CSMD1: variants seen among roughly 807,000 people sequenced by gnomAD.
CSMD1 encodes the protein CUB and sushi domain-containing protein 1.
CSMD1 carries 213 observed loss-of-function variants against 417.5 expected under a neutral mutation model. The ratio of observed to expected loss-of-function variants is 0.51; its 90% CI spans 0.46 to 0.57. The LOEUF is 0.57. CSMD1 is among the 20% of genes least tolerant of loss of function. The pLI is 0.00. For missense variants in CSMD1, 6,923 were observed against 4,529.7 expected (o/e 1.53, Z -15.17); for synonymous variants, 2,862 against 1,736.8 (o/e 1.65, Z -16.11).
chr8:4,683,161 T>C (rs1806153666), intron 1 of CSMD1, among the ~76,000 whole-genome samples: 1 of 151,792 alleles, frequency 6.6e-6, no homozygotes, highest in Non-Finnish European at 1.5e-5. Flanking sequence ...TCTGTTAATG[T>C]TTTTACAAAT....
intron 3 of CSMD1, among the ~76,000 whole-genome samples, chr8:4,044,054 C>G (rs1365739840): frequency 6.6e-6 from 1 of 151,960 alleles, no homozygotes; most frequent in Non-Finnish European, 1.5e-5. Context: ...AATTAGGAGA[C>G]TGGGGTTCCT....
At chr8:4,915,833 G>A (rs1490923437) in intron 1 of CSMD1, among the ~76,000 whole-genome samples, 1 of 152,224 alleles carries the variant, frequency 6.6e-6, no homozygotes, top group East Asian at 1.9e-4. Context: ...AGACCCATCT[G>A]TCACAATGGC....
At chr8:4,885,971 C>T (rs1454813416) in intron 1 of CSMD1, among the ~76,000 whole-genome samples, 1 of 146,066 alleles carries the variant, frequency 6.8e-6, no homozygotes, top group Non-Finnish European at 1.5e-5. Flanking sequence ...GTCTCTGATC[C>T]TTTTTATTTA....
intron 26 of CSMD1, among the ~76,000 whole-genome samples, chr8:3,274,655 T>A (rs1039260811): frequency 6.6e-6 from 1 of 152,190 alleles, no homozygotes; most frequent in East Asian, 1.9e-4. Flanking sequence ...GCCCTTCTTG[T>A]TGAATTGATC....
intron 3 of CSMD1, among the ~76,000 whole-genome samples, chr8:4,282,409 C>G (rs1280490867): frequency 1.3e-5 from 2 of 152,134 alleles, no homozygotes; most frequent in Admixed American, 1.3e-4. Flanking sequence ...CATCAACATC[C>G]CAAGGATGTC....
intron 3 of CSMD1, among the ~76,000 whole-genome samples, chr8:4,115,123 A>C (rs1364787155): frequency 6.6e-6 from 1 of 152,204 alleles, no homozygotes; most frequent in African/African-American, 2.4e-5. Context: ...CATGAAAAAA[A>C]GTCCATAGAT....
chr8:4,760,000 A>T (rs1811939055), intron 1 of CSMD1, among the ~76,000 whole-genome samples: 1 of 152,200 alleles, frequency 6.6e-6, no homozygotes, highest in African/African-American at 2.4e-5. Flanking sequence ...TGTCTTCCAC[A>T]ATGGTTGAAC....
In CSMD1 at chr8:4,244,520, C is replaced by G. The variant is rs150751524; in HGVS notation, c.415+175433G>C. ...AATAGTTTGAAGAGTGTTAGCAAGT[C>G]AAATAAAATTTTCTTTCTTTTTTCT... is the stretch of plus-strand genomic sequence containing the variant. On this transcript the variant is annotated intron_variant, in intron 3 of 69. Coordinates refer to ENST00000635120, the MANE Select transcript of CSMD1 (RefSeq NM_033225.6). Among the ~76,000 whole-genome samples the G allele has an allele frequency of 2.4e-4, 37 of 151,572 alleles. 1 individual carries two copies. In the East Asian group the frequency reaches 6.8e-3, roughly 28 times the overall value.
At chr8:3,568,702 GGT>G (rs970852310) in intron 10 of CSMD1, among the ~76,000 whole-genome samples, 2 of 151,882 alleles carry the variant, frequency 1.3e-5, no homozygotes, top group South Asian at 2.1e-4. Context: ...TGTATATATA[GGT>G]GTGTGTGTTT....
intron 3 of CSMD1, among the ~76,000 whole-genome samples, chr8:4,119,414 C>G (rs1173532522): frequency 6.6e-6 from 1 of 152,110 alleles, no homozygotes; most frequent in East Asian, 1.9e-4. Flanking sequence ...AGTTAGAAAT[C>G]AAGTCACAGG....
chr8:4,737,775 G>A (rs569865540), intron 1 of CSMD1, among the ~76,000 whole-genome samples: 8 of 152,136 alleles, frequency 5.3e-5, no homozygotes, highest in African/African-American at 1.4e-4. Flanking sequence ...AGAAGACATA[G>A]AAACAAATAG....
chr8:3,136,677 G>C (rs1284836343), intron 41 of CSMD1, among the ~76,000 whole-genome samples: 1 of 152,148 alleles, frequency 6.6e-6, no homozygotes, highest in Non-Finnish European at 1.5e-5. Context: ...GGTACACTCA[G>C]AGCTGTTTGC....
At chr8:3,434,011 C>T (rs954290827) in intron 12 of CSMD1, among the ~76,000 whole-genome samples, 2 of 152,214 alleles carry the variant, frequency 1.3e-5, no homozygotes, top group African/African-American at 2.4e-5. Context: ...TGAGTGATTT[C>T]TCTGCTTTCT....
At chr8:3,765,189 G>A (rs888594192) in intron 5 of CSMD1, among the ~76,000 whole-genome samples, 1 of 152,004 alleles carries the variant, frequency 6.6e-6, no homozygotes, top group Non-Finnish European at 1.5e-5. Flanking sequence ...CGTGAACCTT[G>A]TGTTCTGCCC....
chr8:3,631,712 G>A (rs1057054736), intron 7 of CSMD1, among the ~76,000 whole-genome samples: 3 of 152,204 alleles, frequency 2.0e-5, no homozygotes, highest in Admixed American at 1.3e-4. Flanking sequence ...AAATTTTACT[G>A]TTCGAGAAAA....
At chr8:3,722,816 G>T (rs28619415) in intron 6 of CSMD1, among the ~76,000 whole-genome samples, 29,404 of 152,158 alleles carry the variant, frequency 0.19, 3,338 homozygotes, top group East Asian at 0.33. Context: ...AACGATGCTG[G>T]TCTTGAGGAA....
At chr8:2,958,121 A>AT (rs528615494) in intron 62 of CSMD1, among the ~76,000 whole-genome samples, 57 of 151,476 alleles carry the variant, frequency 3.8e-4, no homozygotes, top group African/African-American at 1.2e-3. Flanking sequence ...TTCCTTTTTC[A>AT]TTTTTTTCCT....
At chr8:4,833,349 G>A (rs574980269) in intron 1 of CSMD1, among the ~76,000 whole-genome samples, 7 of 152,162 alleles carry the variant, frequency 4.6e-5, no homozygotes, top group East Asian at 1.9e-4. Flanking sequence ...AATGGTGAAG[G>A]AGGAAGTGCT....
At chr8:3,839,546 T>A (rs1307647663) in intron 5 of CSMD1, among the ~76,000 whole-genome samples, 1 of 85,930 alleles carries the variant, frequency 1.2e-5, no homozygotes, top group Non-Finnish European at 2.4e-5. Context: ...TTTTATATAT[T>A]ATATATATAT....
Sources: gnomAD v4.1 joint callset for allele counts (sites outside exome capture counted in the v4.1 genomes callset) on GRCh38, gnomAD v4.1.1 for gene constraint, MANE v1.5 for transcripts, NCBI Gene and HGNC (gene_info 2026-07-23, HGNC 2026-07-21) for gene names.